The following ASIC2 variants were observed in gnomAD, a reference collection of about 807,000 sequenced individuals.
ASIC2 encodes acid-sensing ion channel 2.
ASIC2 carries 25 observed loss-of-function variants against 57.3 expected under a neutral mutation model. The observed-to-expected ratio is 0.44, with a 90% CI of 0.32 to 0.61. The LOEUF is 0.61. Ranked by LOEUF, ASIC2 falls within the 20% of genes least tolerant of loss-of-function variation. The pLI, the probability that ASIC2 is intolerant of heterozygous loss-of-function variation, is 0.06. For missense variants in ASIC2, 641 were observed against 738.1 expected, an observed-to-expected ratio of 0.87 and a Z score of 1.52; for synonymous variants, 319 against 307.5, an observed-to-expected ratio of 1.04 and a Z score of -0.39.
At chr17:33,532,586 G>C (rs1358046365) in intron 1 of ASIC2, among the ~76,000 whole-genome samples, 1 of 152,230 alleles carries the variant, frequency 6.6e-6, no homozygotes, top group Non-Finnish European at 1.5e-5. Context: ...GCTGTAAAAA[G>C]GTGGCTTGGA....
chr17:33,781,640 A>C (rs1410118565), intron 1 of ASIC2, among the ~76,000 whole-genome samples: 1 of 152,174 alleles, frequency 6.6e-6, no homozygotes, highest in Non-Finnish European at 1.5e-5. Context: ...CCTGCTCCAC[A>C]TAGAATTAAA....
At chr17:33,386,986 T>A (rs115646951) in intron 1 of ASIC2, among the ~76,000 whole-genome samples, 161 of 151,926 alleles carry the variant, frequency 1.1e-3, no homozygotes, top group African/African-American at 3.7e-3. Flanking sequence ...TTTGACAGAG[T>A]TTTGCTGGGA....
chr17:33,518,910 T>C (rs930582298), intron 1 of ASIC2, among the ~76,000 whole-genome samples: 2 of 151,916 alleles, frequency 1.3e-5, no homozygotes, highest in African/African-American at 4.8e-5. Flanking sequence ...AAGCTCCGCC[T>C]TCCGGGTTCA....
At chr17:33,976,207 C>A (rs554469836) in intron 1 of ASIC2, among the ~76,000 whole-genome samples, 1 of 151,738 alleles carries the variant, frequency 6.6e-6, no homozygotes, top group South Asian at 2.1e-4. Context: ...TCTCAAATAA[C>A]TGTTGAGTGA....
chr17:33,985,875 C>T (rs1905800852), intron 1 of ASIC2, among the ~76,000 whole-genome samples: 1 of 152,226 alleles, frequency 6.6e-6, no homozygotes. Context: ...CCTGAGAAGA[C>T]ACAATAGGCA....
chr17:33,811,940 G>A (rs1364760542), intron 1 of ASIC2, among the ~76,000 whole-genome samples: 5 of 152,290 alleles, frequency 3.3e-5, no homozygotes, highest in African/African-American at 1.2e-4. Flanking sequence ...CCTAGTTTAA[G>A]GGTCACTTGC....
intron 1 of ASIC2, among the ~76,000 whole-genome samples, chr17:33,351,186 A>G (rs567024345): frequency 6.6e-6 from 1 of 152,318 alleles, no homozygotes; most frequent in South Asian, 2.1e-4. Flanking sequence ...TCTACATCAT[A>G]GAATGAATCT....
chr17:33,393,436 T>C (rs1238937700), intron 1 of ASIC2, among the ~76,000 whole-genome samples: 1 of 152,078 alleles, frequency 6.6e-6, no homozygotes, highest in African/African-American at 2.4e-5. Flanking sequence ...CATCCCAGCT[T>C]AATCCTCACT....
At chr17:33,953,728 GC>G (rs1256279472) in intron 1 of ASIC2, among the ~76,000 whole-genome samples, 1 of 152,200 alleles carries the variant, frequency 6.6e-6, no homozygotes, top group Non-Finnish European at 1.5e-5. Context: ...CAAGGAAGAG[GC>G]CAGCTTCCTG....
At chr17:33,720,541 AG>A (rs1403665018) in intron 1 of ASIC2, among the ~76,000 whole-genome samples, 1 of 152,342 alleles carries the variant, frequency 6.6e-6, no homozygotes, top group Non-Finnish European at 1.5e-5. Context: ...TACTATATAA[AG>A]GGTTCAGTTC....
intron 3 of ASIC2, among the ~76,000 whole-genome samples, chr17:33,072,877 T>A (rs1259394140): frequency 6.6e-6 from 1 of 152,214 alleles, no homozygotes; most frequent in Admixed American, 6.5e-5. Flanking sequence ...GGAGGATGAG[T>A]AATCCACTCC....
intron 1 of ASIC2, among the ~76,000 whole-genome samples, chr17:33,475,604 C>T (rs1171265533): frequency 6.6e-6 from 1 of 152,226 alleles, no homozygotes; most frequent in Admixed American, 6.5e-5. Flanking sequence ...GTAACGATGT[C>T]TGGTTCACTC....
chr17:33,312,686 G>A (rs1457361068), intron 1 of ASIC2, among the ~76,000 whole-genome samples: 1 of 152,188 alleles, frequency 6.6e-6, no homozygotes, highest in Non-Finnish European at 1.5e-5. Flanking sequence ...TGTAATCCCA[G>A]CACTTGGGGA....
chr17:33,257,374 A>C (rs919379505), intron 1 of ASIC2, among the ~76,000 whole-genome samples: 2 of 152,198 alleles, frequency 1.3e-5, no homozygotes, highest in East Asian at 1.9e-4. Flanking sequence ...TCTCTCAATC[A>C]AGCAATATTT....
At position 33,817,993 on chromosome 17, in the gene ASIC2, C is replaced by A. The variant is rs80197263; in HGVS notation, c.555+337985G>T. Among the ~76,000 whole-genome samples, 163 of 152,274 alleles carry A rather than the reference C, an allele frequency of 1.1e-3. 5 individuals carry two copies. The East Asian group carries it at 0.03, about 28-fold the overall frequency. On this transcript the variant is annotated intron_variant, in intron 1 of 9. Transcript: ENST00000359872. ...ACATTTCTTGTACGTTGGCTCAAAG[C>A]TCCCAAGGTATGTGTCTAAGACAGA...
At chr17:33,984,579 C>G (rs951278488) in intron 1 of ASIC2, among the ~76,000 whole-genome samples, 2 of 152,204 alleles carry the variant, frequency 1.3e-5, no homozygotes, top group African/African-American at 4.8e-5. Context: ...TCCTCACAAC[C>G]ACCCGACGAT....
At chr17:33,351,556 C>G (rs1323597570) in intron 1 of ASIC2, among the ~76,000 whole-genome samples, 1 of 152,186 alleles carries the variant, frequency 6.6e-6, no homozygotes, top group Non-Finnish European at 1.5e-5. Context: ...GATACTCCCT[C>G]AAAGTGAATC....
chr17:33,859,436 A>C (rs992903686), intron 1 of ASIC2, among the ~76,000 whole-genome samples: 1 of 152,222 alleles, frequency 6.6e-6, no homozygotes, highest in Non-Finnish European at 1.5e-5. Context: ...AGAGGCAGGC[A>C]ATATTACCGT....
intron 1 of ASIC2, among the ~76,000 whole-genome samples, chr17:33,138,225 G>A (rs2092373625): frequency 6.6e-6 from 1 of 152,148 alleles, no homozygotes; most frequent in African/African-American, 2.4e-5. Context: ...GATGGGCTAA[G>A]GTGGGAGAGC....
Sources: gnomAD v4.1 joint callset for allele counts (sites outside exome capture counted in the v4.1 genomes callset) on GRCh38, gnomAD v4.1.1 for gene constraint, MANE v1.5 for transcripts, NCBI Gene and HGNC (gene_info 2026-07-23, HGNC 2026-07-21) for gene names.